ADAMTS17: variants seen among roughly 807,000 people sequenced by gnomAD.
ADAMTS17 encodes the protein A disintegrin and metalloproteinase with thrombospondin motifs 17.
A neutral mutation model predicts 141.5 loss-of-function variants in ADAMTS17; 113 were observed. The observed-to-expected ratio is 0.80, with a 90% CI of 0.69 to 0.93. The LOEUF (loss-of-function observed/expected upper bound fraction) is 0.93. Ranked by LOEUF, ADAMTS17 falls within the 40% of genes least tolerant of loss-of-function variation. ADAMTS17 has a pLI of 0.00. For synonymous variants in ADAMTS17, 768 were observed against 630.6 expected (o/e 1.22, Z -3.27); for missense variants, 1,659 against 1,517.9 (o/e 1.09, Z -1.54).
At chr15:100,089,835 G>A (rs1410410586) in intron 15 of ADAMTS17, among the ~76,000 whole-genome samples, 2 of 136,010 alleles carry the variant, frequency 1.5e-5, no homozygotes, top group Non-Finnish European at 3.1e-5. Context: ...ACTGTTGTGG[G>A]GTTGGGGGAG....
intron 8 of ADAMTS17, among the ~76,000 whole-genome samples, chr15:100,164,782 G>A (rs2039881850): frequency 6.6e-6 from 1 of 152,156 alleles, no homozygotes; most frequent in South Asian, 2.1e-4. Context: ...GTCTGTTCTA[G>A]CAGATGTGGT....
chr15:100,174,385 A>G (rs1037828168), intron 8 of ADAMTS17, among the ~76,000 whole-genome samples: 1 of 150,548 alleles, frequency 6.6e-6, no homozygotes, highest in African/African-American at 2.5e-5. Flanking sequence ...CTGTAATCAC[A>G]CTGCTGCTAG....
intron 15 of ADAMTS17, among the ~76,000 whole-genome samples, chr15:100,085,675 G>C (rs1043256618): frequency 5.9e-5 from 9 of 151,324 alleles, no homozygotes; most frequent in African/African-American, 2.2e-4. Flanking sequence ...AGCCAGAAGA[G>C]AGTGGGGACC....
At chr15:100,078,781 A>C (rs2034546274) in intron 15 of ADAMTS17, among the ~76,000 whole-genome samples, 1 of 152,192 alleles carries the variant, frequency 6.6e-6, no homozygotes, top group South Asian at 2.1e-4. Flanking sequence ...TGAAAAGCCA[A>C]CTCATACACT....
intron 18 of ADAMTS17, among the ~76,000 whole-genome samples, chr15:100,037,743 A>G (rs974314941): frequency 6.6e-6 from 1 of 151,934 alleles, no homozygotes; most frequent in African/African-American, 2.4e-5. Context: ...TATCAGATAT[A>G]TAATTTGAAA....
At chr15:100,030,962 T>C (rs1028809087) in intron 18 of ADAMTS17, among the ~76,000 whole-genome samples, 5 of 152,188 alleles carry the variant, frequency 3.3e-5, no homozygotes, top group African/African-American at 1.2e-4. Flanking sequence ...TCATCATCGA[T>C]ATAGTTTTGT....
At chr15:100,285,051 T>C (rs2044403134) in intron 3 of ADAMTS17, among the ~76,000 whole-genome samples, 1 of 152,236 alleles carries the variant, frequency 6.6e-6, no homozygotes. Flanking sequence ...GGAAGCATTC[T>C]TGAAGGCAAG....
chr15:100,280,206 A>T (rs541899646), intron 4 of ADAMTS17, among the ~76,000 whole-genome samples: 2 of 151,980 alleles, frequency 1.3e-5, no homozygotes, highest in South Asian at 4.2e-4. Flanking sequence ...CCCCATATTC[A>T]TTGCTCCTCC....
chr15:100,281,574 G>A (rs190060175), intron 3 of ADAMTS17, among the ~76,000 whole-genome samples, 173 bp from the exon 4 acceptor site: 14 of 152,316 alleles, frequency 9.2e-5, no homozygotes, highest in African/African-American at 1.9e-4. Context: ...GTTCACTCAC[G>A]TAGGGGGGTG....
chr15:100,216,901 A>C (rs2041985795), intron 7 of ADAMTS17, among the ~76,000 whole-genome samples: 1 of 152,228 alleles, frequency 6.6e-6, no homozygotes, highest in Non-Finnish European at 1.5e-5. Context: ...CACTTCTTGG[A>C]AACATCACAT....
At chr15:100,238,297 C>T (rs1419617601) in intron 7 of ADAMTS17, among the ~76,000 whole-genome samples, 1 of 151,900 alleles carries the variant, frequency 6.6e-6, no homozygotes, top group Non-Finnish European at 1.5e-5. Flanking sequence ...TCCATGTTCC[C>T]TTTATCGCCA....
intron 7 of ADAMTS17, among the ~76,000 whole-genome samples, chr15:100,233,531 T>G (rs1567401142): frequency 6.6e-6 from 1 of 152,260 alleles, no homozygotes; most frequent in South Asian, 2.1e-4. Flanking sequence ...TTTTGATTAG[T>G]GAAATCAGTT....
chr15:100,116,766 C>T, intron 13 of ADAMTS17, 81 bp downstream of exon 13: 1 of 1,601,076 alleles, frequency 6.2e-7, no homozygotes, highest in East Asian at 2.2e-5. Context: ...AAAGGGATGC[C>T]CCCCGGCTTC....
At chr15:100,161,047 G>A (rs192794323) in intron 8 of ADAMTS17, among the ~76,000 whole-genome samples, 15 of 152,336 alleles carry the variant, frequency 9.8e-5, no homozygotes, top group South Asian at 2.1e-4. Context: ...AACTTTCAGT[G>A]ACTGTGGGGC....
chr15:100,152,895 A>G (rs2039246740), intron 9 of ADAMTS17, 133 bp from the exon 10 acceptor site: 2 of 837,952 alleles, frequency 2.4e-6, no homozygotes, highest in South Asian at 2.2e-5. Context: ...AAAAGGACGC[A>G]GGCACTGGAC....
At chr15:100,168,189 C>T (rs1026235692) in intron 8 of ADAMTS17, among the ~76,000 whole-genome samples, 3 of 152,216 alleles carry the variant, frequency 2.0e-5, no homozygotes, top group African/African-American at 7.2e-5. Flanking sequence ...CCATTCACCT[C>T]TCCTGGTCTG....
chr15:100,120,771 C>G (rs539435318), intron 12 of ADAMTS17, among the ~76,000 whole-genome samples: 44 of 152,348 alleles, frequency 2.9e-4, no homozygotes, highest in Middle Eastern at 3.4e-3. Flanking sequence ...TCTAGAGTTA[C>G]TGCATTCTAA....
intron 6 of ADAMTS17, chr15:100,257,098 A>C (rs1160477885): frequency 6.6e-6 from 1 of 152,200 alleles, no homozygotes; most frequent in Non-Finnish European, 1.5e-5. Context: ...AAAGAACCTT[A>C]AACGGGAGGA....
At chr15:100,279,576 G>A (rs1490958763) in intron 4 of ADAMTS17, among the ~76,000 whole-genome samples, 1 of 152,202 alleles carries the variant, frequency 6.6e-6, no homozygotes, top group Non-Finnish European at 1.5e-5. Flanking sequence ...GACCATTTGT[G>A]GCCAGGCACT....
Sources: gnomAD v4.1 joint callset for allele counts (sites outside exome capture counted in the v4.1 genomes callset) on GRCh38, gnomAD v4.1.1 for gene constraint, MANE v1.5 for transcripts, NCBI Gene and HGNC (gene_info 2026-07-23, HGNC 2026-07-21) for gene names.